Variants in GART observed in about 807,000 individuals in gnomAD.
GART encodes the protein trifunctional purine biosynthetic protein adenosine-3.
Under a neutral mutation model 107.2 loss-of-function variants are expected in GART, and 43 were observed. The ratio of observed to expected loss-of-function variants is 0.40; its 90% confidence interval spans 0.31 to 0.52. The LOEUF (loss-of-function observed/expected upper bound fraction) is 0.52, where lower values mean the gene tolerates loss of function less well. GART is among the 20% of genes least tolerant of loss of function. The probability of loss-of-function intolerance (pLI) is 0.52; values close to 1 mark genes in which losing one functional copy is unlikely to be tolerated. For missense variants in GART, 1,107 were observed against 1,206.5 expected (o/e 0.92, Z 1.22); for synonymous variants, 434 against 427.0 (o/e 1.02, Z -0.20).
At chr21:33,522,517 A>T (rs2084991720) in intron 11 of GART, among the ~76,000 whole-genome samples, 1 of 152,218 alleles carries the variant, frequency 6.6e-6, no homozygotes, top group Admixed American at 6.5e-5. Flanking sequence ...TGATTACATC[A>T]TCCCTGAGAA....
intron 16 of GART, among the ~76,000 whole-genome samples, chr21:33,515,501 A>C (rs2084857757): frequency 6.6e-6 from 1 of 151,900 alleles, no homozygotes; most frequent in South Asian, 2.1e-4. Flanking sequence ...TTAGCCGGGC[A>C]TGGTGGCGGG....
intron 1 of GART, among the ~76,000 whole-genome samples, chr21:33,540,843 C>T (rs574267890): frequency 1.3e-5 from 2 of 152,214 alleles, no homozygotes; most frequent in Middle Eastern, 6.8e-3. Context: ...ATTTAAAATG[C>T]TTGTCATGAA....
At chr21:33,509,597 T>C (rs1408667362) in intron 18 of GART, 186 bp downstream of exon 18, 2 of 461,902 alleles carry the variant, frequency 4.3e-6, no homozygotes, top group Non-Finnish European at 3.6e-6. Context: ...ACTTTTTTCT[T>C]TGGGAGCTGT....
chr21:33,529,174 A>T (rs573134260), intron 7 of GART, among the ~76,000 whole-genome samples: 1 of 152,210 alleles, frequency 6.6e-6, no homozygotes, highest in Admixed American at 6.5e-5. Context: ...CTAGCCAAAA[A>T]TAACTTCCCG....
chr21:33,508,913 A>G (rs1022837151), intron 18 of GART, among the ~76,000 whole-genome samples: 5 of 152,096 alleles, frequency 3.3e-5, no homozygotes, highest in African/African-American at 1.2e-4. Context: ...GAGGCAGTTC[A>G]CTCAGGATAA....
chr21:33,537,961 G>A (rs2085335086), intron 2 of GART, among the ~76,000 whole-genome samples: 1 of 152,080 alleles, frequency 6.6e-6, no homozygotes, highest in South Asian at 2.1e-4. Flanking sequence ...TAAGGGTGGA[G>A]GCTGGGCACG....
intron 7 of GART, 134 bp from the exon 8 acceptor site, chr21:33,529,071 C>A: frequency 1.9e-6 from 1 of 536,850 alleles, no homozygotes. Context: ...ACACTTTGAA[C>A]TTGAAAGATT....
At chr21:33,511,038 GCTGTGCAT>G (rs1433963520) in intron 17 of GART, among the ~76,000 whole-genome samples, 1 of 152,060 alleles carries the variant, frequency 6.6e-6, no homozygotes, top group African/African-American at 2.4e-5. Flanking sequence ...GTGGGGTGTG[GCTGTGCAT>G]GCATGAATGC....
At position 33,505,558 on chromosome 21, in the gene GART, T is replaced by C. The variant is rs775468700; in HGVS notation, c.2725+3A>G. 1.9e-6 allele frequency: 3 copies of C among 1,585,450 alleles called. No individual in the cohort carries two copies. Among genetic ancestry groups the C allele is most frequent in the South Asian group, 2.3e-5 (2 of 85,972 alleles). ...AATGTGATGTCAAATAATTTTTGCT[T>C]ACCATTCCACTTTTGGACAAAGGGG... On this transcript the variant is annotated splice_donor_region_variant and intron_variant, in intron 20 of 21. Transcript: ENST00000381815.
intron 6 of GART, 30 bp from the exon 7 acceptor site, chr21:33,530,914 G>A (rs1242333857): frequency 1.3e-5 from 20 of 1,489,458 alleles, no homozygotes; most frequent in Non-Finnish European, 1.8e-5. Context: ...GTCCATTTAT[G>A]TTAACTGTCA....
At chr21:33,523,553 T>TA in intron 11 of GART, among the ~76,000 whole-genome samples, 1 of 152,308 alleles carries the variant, frequency 6.6e-6, no homozygotes, top group South Asian at 2.1e-4. Flanking sequence ...GTTTAAACTT[T>TA]AAAAAAACCT....
intron 14 of GART, among the ~76,000 whole-genome samples, chr21:33,518,083 T>C (rs1440519730): frequency 3.9e-5 from 6 of 152,254 alleles, no homozygotes; most frequent in African/African-American, 9.6e-5. Flanking sequence ...ATATAAGGTA[T>C]AGGCAGACTC....
chr21:33,532,120 G>C, intron 5 of GART: 1 of 491,518 alleles, frequency 2.0e-6, no homozygotes, highest in South Asian at 2.6e-5. Flanking sequence ...AGACAACAAA[G>C]GATGTTACAA....
At position 33,504,049 on chromosome 21, in the gene GART, G is replaced by A. The variant is rs2084636420; in HGVS notation, c.*75C>T. 1 of 1,379,730 alleles carries A rather than the reference G, an allele frequency of 7.2e-7. No homozygotes were observed. The highest frequency in any genetic ancestry group is 9.8e-7 in the Non-Finnish European group (1 of 1,017,098). The allele number at this position is 1,379,730 out of a possible 1,614,324, so 85.5% of individuals were successfully genotyped here. ...TTTAGCAGTTTTTCTTTTGGGCCAA[G>A]TCCATGATAAAAAACCACCATGCAA... On this transcript the variant is annotated 3_prime_UTR_variant, in exon 22 of 22. Coordinates refer to ENST00000381815, the MANE Select transcript of GART (RefSeq NM_000819.5).
At chr21:33,513,463 G>A (rs1433599223) in intron 16 of GART, among the ~76,000 whole-genome samples, 5 of 152,152 alleles carry the variant, frequency 3.3e-5, no homozygotes, top group East Asian at 1.9e-4. Flanking sequence ...CCAGCTACTC[G>A]GGAGGCTGAG....
chr21:33,536,231 G>A (rs1601229639), intron 2 of GART, among the ~76,000 whole-genome samples: 1 of 152,176 alleles, frequency 6.6e-6, no homozygotes, highest in African/African-American at 2.4e-5. Context: ...AGCTGTTTAA[G>A]TTAAGAACTC....
chr21:33,517,473 C>G lies in GART; in HGVS notation c.1838G>C (p.Gly613Ala). The G allele has an allele frequency of 6.2e-7, 1 of 1,614,124 alleles. No individual in the cohort carries two copies. Among genetic ancestry groups the G allele is most frequent in the Non-Finnish European group, 8.5e-7 (1 of 1,180,022 alleles). The change falls in exon 15 of 22, where the codon GGA becomes GCA. Residue 613 changes from glycine to alanine, a missense_variant. Transcript: ENST00000381815. ...ERITEGDVVVGIASSGLHSNG... is the reference protein window; with the variant it reads ...ERITEGDVVVAIASSGLHSNG... The stretch of plus-strand genomic sequence containing the variant: ...GCTATGAAGACCAGATGAAGCTATT[C>G]CAACAACAACATCACCCTCAGTGAT...
intron 12 of GART, among the ~76,000 whole-genome samples, chr21:33,521,951 C>CAAAAAAA (rs1252653074): frequency 1.2e-5 from 1 of 82,806 alleles, no homozygotes; most frequent in African/African-American, 4.3e-5. Flanking sequence ...ACTCTTGTCT[C>CAAAAAAA]AAAAAAAAAA....
At chr21:33,513,105 CTGTGTGTGTG>C (rs3057407) in intron 16 of GART, among the ~76,000 whole-genome samples, 221 of 144,652 alleles carry the variant, frequency 1.5e-3, no homozygotes, top group African/African-American at 4.2e-3. Context: ...GTGTGTGTCT[CTGTGTGTGTG>C]TGTGTGTGTG....
Sources: gnomAD v4.1 joint callset for allele counts (sites outside exome capture counted in the v4.1 genomes callset) on GRCh38, gnomAD v4.1.1 for gene constraint, MANE v1.5 for transcripts, NCBI Gene and HGNC (gene_info 2026-07-23, HGNC 2026-07-21) for gene names.